Variants in RGS17 observed in about 807,000 individuals in gnomAD.
The protein encoded by RGS17 is regulator of G-protein signaling 17.
Under a neutral mutation model 25.5 loss-of-function variants are expected in RGS17, and 12 were observed. The ratio of observed to expected loss-of-function variants is 0.47; its 90% confidence interval spans 0.30 to 0.76. The LOEUF (loss-of-function observed/expected upper bound fraction) is 0.76, where lower values mean the gene tolerates loss of function less well. Ranked by LOEUF, RGS17 falls within the 30% of genes least tolerant of loss-of-function variation. RGS17 has a pLI of 0.07. For synonymous variants in RGS17, 71 were observed against 76.9 expected (o/e 0.92, Z 0.40); for missense variants, 196 against 242.2 (o/e 0.81, Z 1.27).
intron 1 of RGS17, among the ~76,000 whole-genome samples, chr6:153,048,724 A>G (rs1296246224): frequency 6.6e-6 from 1 of 152,216 alleles, no homozygotes; most frequent in Non-Finnish European, 1.5e-5. Context: ...CTGAAATGTT[A>G]CATTCTCCTT....
At chr6:153,024,647 T>C in intron 3 of RGS17, 151 bp from the exon 4 acceptor site, 2 of 632,656 alleles carry the variant, frequency 3.2e-6, no homozygotes, top group Non-Finnish European at 5.5e-6. Flanking sequence ...ATGTGCCAAA[T>C]AAGTATCTGT....
chr6:153,008,190 C>G lies in RGS17; in HGVS notation c.*3384G>C, dbSNP rs2129104504. The G allele has an allele frequency of 6.6e-6, 1 of 152,234 alleles. No individual in the cohort carries two copies. Among genetic ancestry groups the G allele is most frequent in the Non-Finnish European group, 1.5e-5 (1 of 68,014 alleles). 9.4% of individuals were successfully genotyped at this position (152,234 alleles called of 1,614,324 possible). A position where few individuals can be genotyped will look rare whatever the true frequency, so the allele number is the denominator to read the frequency against. On this transcript the variant is annotated 3_prime_UTR_variant, in exon 5 of 5. Transcript: ENST00000206262. ...TTATCCCTATAGTCCTTTGGCAAAACTGAACTATCAGGTAGATAAACAACA... is the reference window on the plus strand; with the variant it reads ...TTATCCCTATAGTCCTTTGGCAAAAGTGAACTATCAGGTAGATAAACAACA...
At chr6:153,119,395 TA>T (rs1311009078) in intron 1 of RGS17, among the ~76,000 whole-genome samples, 1 of 152,132 alleles carries the variant, frequency 6.6e-6, no homozygotes, top group Non-Finnish European at 1.5e-5. Context: ...CTATGACTCT[TA>T]AAAGTTATTT....
At chr6:153,040,045 A>G (rs1039143368) in intron 2 of RGS17, among the ~76,000 whole-genome samples, 2 of 70,024 alleles carry the variant, frequency 2.9e-5, no homozygotes, top group African/African-American at 1.4e-4. Flanking sequence ...CCATGAATAG[A>G]AGGTCTTGCA....
At chr6:153,093,458 T>G (rs1478756265) in intron 1 of RGS17, among the ~76,000 whole-genome samples, 1 of 152,216 alleles carries the variant, frequency 6.6e-6, no homozygotes, top group Non-Finnish European at 1.5e-5. Flanking sequence ...TTTTTTCCAC[T>G]AGGAAAATGT....
intron 4 of RGS17, among the ~76,000 whole-genome samples, chr6:153,014,357 C>T (rs947821104): frequency 6.6e-6 from 1 of 152,198 alleles, no homozygotes; most frequent in Non-Finnish European, 1.5e-5. Flanking sequence ...TAAAGTTCTA[C>T]TGCTCATTGA....
At chr6:153,021,956 C>T (rs1197649490) in intron 4 of RGS17, among the ~76,000 whole-genome samples, 9 of 152,230 alleles carry the variant, frequency 5.9e-5, no homozygotes, top group Admixed American at 1.3e-4. Flanking sequence ...ACCCGTAATC[C>T]CAGCACTTTG....
At position 153,026,467 on chromosome 6, in the gene RGS17, C is replaced by T. The variant is rs200709570; in HGVS notation, c.196G>A (p.Val66Ile). Residue 66 changes from valine to isoleucine, a missense_variant, in exon 3 of 5, where the codon GTC (valine) becomes ATC (isoleucine). Val to Ile is a conservative substitution (Grantham distance 29). Around this residue, in one of 2 missense-constraint regions of RGS17, gnomAD observed 179 missense variants for 197.6 expected, o/e 0.91. Transcript: ENST00000206262. The part of the protein sequence containing the change: ...THTTKMESIQ[V>I]LEECQNPTAE... ...TCTCACACTCACCATTCCTCTAGGA[C>T]CTGGATACTCTCCATTTTTGTAGTG... The T allele has an allele frequency of 6.2e-7, 1 of 1,612,408 alleles. No homozygotes were observed.
intron 1 of RGS17, among the ~76,000 whole-genome samples, chr6:153,073,419 A>G (rs1314389794): frequency 6.6e-6 from 1 of 152,186 alleles, no homozygotes; most frequent in African/African-American, 2.4e-5. Flanking sequence ...TACTCTATCA[A>G]AGAAGGTTTA....
intron 1 of RGS17, among the ~76,000 whole-genome samples, chr6:153,047,996 T>G (rs1345251261): frequency 2.0e-5 from 3 of 152,222 alleles, no homozygotes; most frequent in Admixed American, 2.0e-4. Context: ...GTTCTGTCTT[T>G]CTTCTCTATC....
chr6:153,079,864 T>C (rs908867001), intron 1 of RGS17, among the ~76,000 whole-genome samples: 7 of 152,218 alleles, frequency 4.6e-5, no homozygotes, highest in African/African-American at 1.4e-4. Flanking sequence ...AAGATTCATA[T>C]TAATTCTTTA....
chr6:153,093,938 C>A (rs1366746071), intron 1 of RGS17, among the ~76,000 whole-genome samples: 1 of 152,034 alleles, frequency 6.6e-6, no homozygotes, highest in Non-Finnish European at 1.5e-5. Context: ...CTCTAGTACC[C>A]CACAGGATTG....
intron 1 of RGS17, among the ~76,000 whole-genome samples, chr6:153,125,473 T>C (rs754278567): frequency 6.6e-6 from 1 of 152,236 alleles, no homozygotes; most frequent in Admixed American, 6.5e-5. Context: ...TTTTCCACCA[T>C]AGGTCATTGC....
chr6:153,116,537 C>G (rs1408883064), intron 1 of RGS17, among the ~76,000 whole-genome samples: 1 of 152,082 alleles, frequency 6.6e-6, no homozygotes, highest in East Asian at 1.9e-4. Context: ...GGAACTAGGA[C>G]CAGAAATACC....
chr6:153,030,226 A>G (rs1162511555), intron 2 of RGS17, among the ~76,000 whole-genome samples: 1 of 152,190 alleles, frequency 6.6e-6, no homozygotes, highest in African/African-American at 2.4e-5. Context: ...GAGTGTGGAC[A>G]GTGGAGTGAG....
chr6:153,091,557 CAGGATT>C (rs1777131530), intron 1 of RGS17, among the ~76,000 whole-genome samples: 1 of 151,778 alleles, frequency 6.6e-6, no homozygotes, highest in South Asian at 2.1e-4. Flanking sequence ...CTCTGTCACA[CAGGATT>C]GCACACAGGT....
chr6:153,060,945 G>C (rs1312179536), intron 1 of RGS17, among the ~76,000 whole-genome samples: 1 of 152,182 alleles, frequency 6.6e-6, no homozygotes, highest in Non-Finnish European at 1.5e-5. Flanking sequence ...TTGAGAACCA[G>C]TGAGTTCAGT....
At chr6:153,118,431 T>C (rs372593517) in intron 1 of RGS17, among the ~76,000 whole-genome samples, 2 of 152,372 alleles carry the variant, frequency 1.3e-5, no homozygotes, top group Non-Finnish European at 2.9e-5. Context: ...ATACTCCTCA[T>C]AGAATTTAGT....
intron 1 of RGS17, among the ~76,000 whole-genome samples, chr6:153,085,538 A>C (rs1332649409): frequency 6.6e-6 from 1 of 152,206 alleles, no homozygotes; most frequent in African/African-American, 2.4e-5. Flanking sequence ...CACTGAGATA[A>C]GGGGCTTGCA....
Sources: gnomAD v4.1 joint callset for allele counts (sites outside exome capture counted in the v4.1 genomes callset) on GRCh38, gnomAD v4.1.1 for gene constraint, gnomAD v4.1.1 regional missense constraint, MANE v1.5 for transcripts, NCBI Gene and HGNC (gene_info 2026-07-23, HGNC 2026-07-21) for gene names.